CADM2: variants seen among roughly 807,000 people sequenced by gnomAD.
CADM2 encodes cell adhesion molecule 2, also known as immunoglobulin superfamily member 4D.
A neutral mutation model predicts 49.8 loss-of-function variants in CADM2; 12 were observed. The observed-to-expected ratio is 0.24, with a 90% CI of 0.15 to 0.39. The LOEUF (loss-of-function observed/expected upper bound fraction) is 0.39. Ranked by LOEUF, CADM2 falls within the 10% of genes least tolerant of loss-of-function variation. CADM2 has a pLI of 1.00. For synonymous variants in CADM2, 214 were observed against 175.4 expected, an observed-to-expected ratio of 1.22 and a Z score of -1.74; for missense variants, 378 against 492.3, an observed-to-expected ratio of 0.77 and a Z score of 2.20.
intron 3 of CADM2, among the ~76,000 whole-genome samples, chr3:85,831,216 C>T (rs1310153629): frequency 2.6e-5 from 4 of 151,924 alleles, no homozygotes; most frequent in African/African-American, 9.7e-5. Context: ...ACATGTACCA[C>T]ATTTTCTTTA....
chr3:85,842,950 A>G (rs1246289047), intron 3 of CADM2, among the ~76,000 whole-genome samples: 2 of 152,156 alleles, frequency 1.3e-5, no homozygotes, highest in African/African-American at 4.8e-5. Context: ...AATTGTGGAC[A>G]TGCATTCATA....
chr3:85,494,272 A>T (rs551158447), intron 1 of CADM2, among the ~76,000 whole-genome samples: 10 of 152,300 alleles, frequency 6.6e-5, no homozygotes, highest in African/African-American at 2.2e-4. Context: ...GAATCTATAA[A>T]GTTTCATATT....
intron 1 of CADM2, among the ~76,000 whole-genome samples, chr3:85,144,597 G>GT (rs926143814): frequency 5.8e-4 from 75 of 128,360 alleles, no homozygotes; most frequent in Admixed American, 5.3e-3. Context: ...GGGTGACAGA[G>GT]TGAGACTCCA....
intron 1 of CADM2, among the ~76,000 whole-genome samples, chr3:85,485,180 C>A (rs936605722): frequency 3.7e-4 from 56 of 151,494 alleles, no homozygotes; most frequent in African/African-American, 1.3e-3. Flanking sequence ...TTTAGGTACA[C>A]AACAAGGAAT....
intron 1 of CADM2, among the ~76,000 whole-genome samples, chr3:85,026,509 A>C (rs1460493639): frequency 6.6e-6 from 1 of 152,226 alleles, no homozygotes; most frequent in African/African-American, 2.4e-5. Context: ...TGAAACATTA[A>C]GATTAATCCT....
intron 1 of CADM2, among the ~76,000 whole-genome samples, chr3:85,508,712 G>C (rs1286164880): frequency 6.6e-6 from 1 of 152,142 alleles, no homozygotes; most frequent in Non-Finnish European, 1.5e-5. Context: ...GTTTAATAAT[G>C]AATAAGCCCA....
intron 8 of CADM2, among the ~76,000 whole-genome samples, chr3:86,046,560 ATGT>A (rs777753646): frequency 1.3e-5 from 2 of 152,022 alleles, no homozygotes; most frequent in African/African-American, 4.8e-5. Flanking sequence ...GAGGCCAAGG[ATGT>A]TGTTAAACAT....
At chr3:85,849,315 G>C (rs933223343) in intron 3 of CADM2, among the ~76,000 whole-genome samples, 36 of 152,080 alleles carry the variant, frequency 2.4e-4, no homozygotes, top group Non-Finnish European at 4.6e-4. Flanking sequence ...ACCTCATGAT[G>C]TTCTCCATTT....
chr3:85,987,021 A>T (rs989310574), intron 8 of CADM2, among the ~76,000 whole-genome samples: 11 of 152,140 alleles, frequency 7.2e-5, no homozygotes, highest in African/African-American at 2.4e-4. Flanking sequence ...TAGAATCAAC[A>T]TATATAACAT....
At chr3:86,036,656 C>A (rs1484919904) in intron 8 of CADM2, among the ~76,000 whole-genome samples, 1 of 152,076 alleles carries the variant, frequency 6.6e-6, no homozygotes, top group Non-Finnish European at 1.5e-5. Context: ...AATTCCCTTA[C>A]TAGTTTGGTG....
intron 2 of CADM2, among the ~76,000 whole-genome samples, chr3:85,740,509 A>G (rs911569769): frequency 6.6e-6 from 1 of 151,988 alleles, no homozygotes; most frequent in African/African-American, 2.4e-5. Context: ...CTATGTTGGT[A>G]TTTATCATTA....
chr3:85,634,419 C>A (rs1167074438), intron 1 of CADM2, among the ~76,000 whole-genome samples: 1 of 151,872 alleles, frequency 6.6e-6, no homozygotes, highest in East Asian at 1.9e-4. Flanking sequence ...AGCTTATTTT[C>A]TTTTTGTACC....
chr3:85,347,119 A>T (rs1257163208), intron 1 of CADM2, among the ~76,000 whole-genome samples: 1 of 143,330 alleles, frequency 7.0e-6, no homozygotes, highest in African/African-American at 2.6e-5. Flanking sequence ...GCTACTCTGG[A>T]GGCTGATGCA....
intron 2 of CADM2, among the ~76,000 whole-genome samples, chr3:85,769,120 A>G (rs1197158275): frequency 3.8e-4 from 16 of 42,300 alleles, no homozygotes; most frequent in African/African-American, 2.4e-3. Context: ...GTATATATAC[A>G]CATATATACA....
At chr3:85,004,178 A>AT (rs2033609910) in intron 1 of CADM2, among the ~76,000 whole-genome samples, 1 of 152,050 alleles carries the variant, frequency 6.6e-6, no homozygotes, top group South Asian at 2.1e-4. Flanking sequence ...TTTTTATTTA[A>AT]TTTTTTTATT....
At chr3:85,458,655 T>G (rs1333169640) in intron 1 of CADM2, among the ~76,000 whole-genome samples, 1 of 152,102 alleles carries the variant, frequency 6.6e-6, no homozygotes, top group African/African-American at 2.4e-5. Context: ...TTTCCCATAA[T>G]CATGTAGGAG....
intron 1 of CADM2, among the ~76,000 whole-genome samples, chr3:85,212,935 C>T (rs1274558777): frequency 1.3e-5 from 2 of 149,536 alleles, no homozygotes; most frequent in East Asian, 3.9e-4. Context: ...GACTGGAGTG[C>T]AATGGCGCAA....
At chr3:86,000,872 G>A (rs1730105337) in intron 8 of CADM2, among the ~76,000 whole-genome samples, 1 of 151,978 alleles carries the variant, frequency 6.6e-6, no homozygotes, top group African/African-American at 2.4e-5. Context: ...AAGAGAGAGA[G>A]GAGAGGTCCT....
intron 1 of CADM2, among the ~76,000 whole-genome samples, chr3:85,392,258 AT>A (rs2034552999): frequency 6.6e-6 from 1 of 152,098 alleles, no homozygotes; most frequent in Admixed American, 6.6e-5. Context: ...TTTCACTAAT[AT>A]TGATGTTCTT....
Sources: allele counts gnomAD v4.1 joint callset (sites outside exome capture counted in the v4.1 genomes callset), GRCh38; gene constraint gnomAD v4.1.1; transcripts MANE v1.5; gene names NCBI Gene and HGNC (gene_info 2026-07-23, HGNC 2026-07-21).